The following SUMF1 variants were observed in gnomAD, a reference collection of about 807,000 sequenced individuals.
SUMF1 encodes the protein formylglycine-generating enzyme.
A neutral mutation model predicts 47.6 loss-of-function variants in SUMF1; 48 were observed. The ratio of observed to expected loss-of-function variants is 1.01; its 90% CI spans 0.80 to 1.28. The LOEUF is 1.28. SUMF1 is among the 50% of genes most tolerant of loss of function. The pLI is 0.00. For synonymous variants in SUMF1, 230 were observed against 192.1 expected, an observed-to-expected ratio of 1.20 and a Z score of -1.63; for missense variants, 571 against 485.4, an observed-to-expected ratio of 1.18 and a Z score of -1.66.
chr3:4,141,952 G>A (rs1166925225), intron 8 of SUMF1, among the ~76,000 whole-genome samples: 2 of 152,128 alleles, frequency 1.3e-5, no homozygotes, highest in Admixed American at 6.5e-5. Context: ...AGCAAGACCA[G>A]AGAATAAAGA....
At position 4,439,547 on chromosome 3, in the gene SUMF1, T is replaced by A. The variant is rs57801339; in HGVS notation, c.519+9719A>T. 2.7e-3 allele frequency among the ~76,000 whole-genome samples: 412 copies of A among 151,936 alleles called. 2 individuals are homozygous for A. Among genetic ancestry groups the A allele is most frequent in the African/African-American group, 9.6e-3 (398 of 41,454 alleles). On this transcript the variant is annotated intron_variant, in intron 3 of 8. Transcript: ENST00000272902. ...TCTCAAAAAAAAAAAGTTAAGTGGC[T>A]TTTCCCAAAATCATTTGATAAATGG... is the stretch of plus-strand genomic sequence containing the variant.
At chr3:4,390,315 C>T (rs1369168861) in intron 7 of SUMF1, among the ~76,000 whole-genome samples, 1 of 152,152 alleles carries the variant, frequency 6.6e-6, no homozygotes, top group Non-Finnish European at 1.5e-5. Context: ...TAAGAAAGAC[C>T]TGGCTAGGCC....
chr3:4,140,759 G>T (rs1271093390), intron 8 of SUMF1, among the ~76,000 whole-genome samples: 1 of 151,906 alleles, frequency 6.6e-6, no homozygotes. Context: ...CCTTTCAGCA[G>T]AGAATAGTAT....
At chr3:4,416,218 A>G (rs183001295) in intron 6 of SUMF1, among the ~76,000 whole-genome samples, 24 of 152,288 alleles carry the variant, frequency 1.6e-4, no homozygotes, top group African/African-American at 5.8e-4. Flanking sequence ...TAGACTTTGA[A>G]TTATTTCACT....
chr3:4,250,118 G>C (rs1696763189), intron 8 of SUMF1, among the ~76,000 whole-genome samples: 1 of 151,994 alleles, frequency 6.6e-6, no homozygotes, highest in Non-Finnish European at 1.5e-5. Context: ...AGGAGGCAGA[G>C]GTTAGTGGAA....
At chr3:4,263,853 T>C (rs1287612086) in intron 8 of SUMF1, among the ~76,000 whole-genome samples, 4 of 152,216 alleles carry the variant, frequency 2.6e-5, no homozygotes, top group Admixed American at 2.0e-4. Context: ...TTATAATCTC[T>C]TTCCTACCCT....
At chr3:4,069,779 C>A (rs1331417586) in intron 8 of SUMF1, among the ~76,000 whole-genome samples, 1 of 152,066 alleles carries the variant, frequency 6.6e-6, no homozygotes, top group Non-Finnish European at 1.5e-5. Context: ...CTCTGGAATA[C>A]CATTATGAGA....
chr3:4,232,147 C>T (rs1215545160), intron 8 of SUMF1, among the ~76,000 whole-genome samples: 3 of 152,018 alleles, frequency 2.0e-5, no homozygotes, highest in Non-Finnish European at 4.4e-5. Flanking sequence ...GCAAAACTGA[C>T]ATTGACTAAT....
chr3:4,398,493 G>A (rs1701107780), intron 7 of SUMF1, among the ~76,000 whole-genome samples: 1 of 152,084 alleles, frequency 6.6e-6, no homozygotes, highest in Non-Finnish European at 1.5e-5. Context: ...CAGATCCTTA[G>A]AGAAAGAACA....
chr3:4,128,808 G>T (rs1274032764), intron 8 of SUMF1, among the ~76,000 whole-genome samples: 1 of 152,154 alleles, frequency 6.6e-6, no homozygotes, highest in African/African-American at 2.4e-5. Context: ...AAGGAACATA[G>T]AGTTGGATCA....
intron 8 of SUMF1, among the ~76,000 whole-genome samples, chr3:4,199,369 T>A (rs1195610548): frequency 6.6e-6 from 1 of 152,184 alleles, no homozygotes; most frequent in Non-Finnish European, 1.5e-5. Context: ...ATTTTAGTTA[T>A]CTATTCCCCA....
intron 8 of SUMF1, among the ~76,000 whole-genome samples, chr3:4,150,585 A>G (rs2125104756): frequency 6.7e-6 from 1 of 149,254 alleles, no homozygotes; most frequent in African/African-American, 2.5e-5. Flanking sequence ...GGGTCTTGCT[A>G]TGTTGCCCAG....
chr3:4,250,744 A>C (rs982042550), intron 8 of SUMF1, among the ~76,000 whole-genome samples: 2 of 152,182 alleles, frequency 1.3e-5, no homozygotes, highest in Non-Finnish European at 2.9e-5. Flanking sequence ...ATCTGCTTAA[A>C]TGGAATAACA....
At chr3:4,100,205 G>A (rs758336201) in intron 8 of SUMF1, among the ~76,000 whole-genome samples, 1 of 151,512 alleles carries the variant, frequency 6.6e-6, no homozygotes, top group Non-Finnish European at 1.5e-5. Flanking sequence ...AATTCATATG[G>A]AACCACAAAA....
chr3:4,248,272 A>G (rs895621093), intron 8 of SUMF1, among the ~76,000 whole-genome samples: 2 of 152,224 alleles, frequency 1.3e-5, no homozygotes, highest in African/African-American at 4.8e-5. Flanking sequence ...AGTCATAAAA[A>G]GCATGCCAGT....
intron 8 of SUMF1, among the ~76,000 whole-genome samples, chr3:4,207,538 C>T (rs1304143): frequency 0.75 from 114,174 of 152,020 alleles, 43,618 homozygotes; most frequent in African/African-American, 0.9. Flanking sequence ...TATTTTCAAA[C>T]GTTTTTATAT....
intron 7 of SUMF1, among the ~76,000 whole-genome samples, chr3:4,396,424 C>G (rs1175390687): frequency 6.6e-6 from 1 of 152,192 alleles, no homozygotes; most frequent in Non-Finnish European, 1.5e-5. Context: ...TGCAGAGACT[C>G]CACAGGATGA....
chr3:4,071,460 C>A (rs1695523220), intron 8 of SUMF1, among the ~76,000 whole-genome samples: 1 of 152,208 alleles, frequency 6.6e-6, no homozygotes, highest in Admixed American at 6.5e-5. Flanking sequence ...GCACCTTTCC[C>A]ATGGTCTTTG....
intron 8 of SUMF1, among the ~76,000 whole-genome samples, chr3:4,267,318 A>T (rs1334654687): frequency 1.3e-5 from 2 of 152,038 alleles, no homozygotes; most frequent in South Asian, 2.1e-4. Context: ...TCCTCCCTGT[A>T]CCTCTGGTAG....
Sources: allele counts gnomAD v4.1 joint callset (sites outside exome capture counted in the v4.1 genomes callset), GRCh38; gene constraint gnomAD v4.1.1; transcripts MANE v1.5; gene names NCBI Gene and HGNC (gene_info 2026-07-23, HGNC 2026-07-21).